CNKSR2: variants seen among roughly 807,000 people sequenced by gnomAD.
CNKSR2 encodes the protein CNK homolog protein 2.
In CNKSR2, 14 loss-of-function variants were observed where a neutral mutation model predicts 84.4. That is an observed-to-expected ratio of 0.17 (90% CI 0.11 to 0.26). The LOEUF is 0.26. Ranked by LOEUF, CNKSR2 falls within the 10% of genes least tolerant of loss-of-function variation. The pLI is 1.00. For synonymous variants in CNKSR2, 275 were observed against 277.9 expected (o/e 0.99, Z 0.10); for missense variants, 485 against 771.2 (o/e 0.63, Z 4.40).
chrX:21,463,826 G>A (rs942257007), intron 4 of CNKSR2, among the ~76,000 whole-genome samples: 33 of 110,921 alleles, frequency 3.0e-4, no homozygotes, highest in African/African-American at 9.5e-4. Flanking sequence ...ATCCCAAGAC[G>A]CAAACAAAGT....
intron 8 of CNKSR2, among the ~76,000 whole-genome samples, chrX:21,508,682 T>A (rs1396340014): frequency 8.9e-6 from 1 of 112,002 alleles, no homozygotes; most frequent in African/African-American, 3.2e-5. Flanking sequence ...AAAAGTGAGC[T>A]GTATGTTCAA....
intron 20 of CNKSR2, among the ~76,000 whole-genome samples, chrX:21,624,064 C>T (rs777711036): frequency 6.8e-4 from 76 of 111,568 alleles, no homozygotes; most frequent in Non-Finnish European, 1.2e-3. Context: ...AAATCCTATG[C>T]ATTACTGATA....
intron 7 of CNKSR2, among the ~76,000 whole-genome samples, chrX:21,499,374 C>T (rs1333586283): frequency 2.7e-5 from 3 of 111,087 alleles, no homozygotes; most frequent in African/African-American, 9.8e-5. Flanking sequence ...GTGTAATTTG[C>T]ATGGATGGAC....
Position 21,526,887 on chromosome X carries a change from C to T in CNKSR2, c.978C>T (p.Pro326=). ...LALQPLIPRS[P]TSSVATPSST... is the part of the protein sequence containing the mutation. Reference sequence around the variant, plus strand: ...ACCAGCCTCTTATACCTAGAAGTCCCACAAGCAGCGTTGCCACGCCTTCCA... The same window carrying T: ...ACCAGCCTCTTATACCTAGAAGTCCTACAAGCAGCGTTGCCACGCCTTCCA... The change falls in exon 10 of 22, where the codon CCC becomes CCT. Residue 326 remains proline (P), a synonymous_variant. Transcript: ENST00000379510. 1 of 1,205,411 alleles carries T rather than the reference C, an allele frequency of 8.3e-7. No individual in the cohort carries two copies. The highest frequency in any genetic ancestry group is 1.1e-6 in the Non-Finnish European group (1 of 891,162).
At chrX:21,642,979 T>C in intron 20 of CNKSR2, 1 of 230,936 alleles carries the variant, frequency 4.3e-6, no homozygotes, top group Non-Finnish European at 6.2e-6. Context: ...TTATTGGTAT[T>C]TAATATTTAT....
At chrX:21,563,082 T>C (rs1427853126) in intron 12 of CNKSR2, among the ~76,000 whole-genome samples, 156 bp from the exon 13 acceptor site, 1 of 111,703 alleles carries the variant, frequency 9.0e-6, no homozygotes, top group African/African-American at 3.2e-5. Context: ...ATGAAATATA[T>C]TAGATTGGGG....
intron 6 of CNKSR2, chrX:21,491,185 G>A (rs2091438544): frequency 9.0e-6 from 1 of 111,091 alleles, no homozygotes; most frequent in Non-Finnish European, 1.9e-5. Context: ...ATTGGTTCTA[G>A]ATTTAACCCA....
intron 4 of CNKSR2, among the ~76,000 whole-genome samples, chrX:21,450,114 T>G (rs2090908481): frequency 9.0e-6 from 1 of 111,305 alleles, no homozygotes; most frequent in Non-Finnish European, 1.9e-5. Flanking sequence ...GATCAGTCGG[T>G]ATTTTAAGTG....
chrX:21,451,649 G>A (rs1464786626), intron 4 of CNKSR2, among the ~76,000 whole-genome samples: 2 of 91,018 alleles, frequency 2.2e-5, no homozygotes, highest in African/African-American at 8.3e-5. Context: ...ATTGAACAGT[G>A]AGAACACGTG....
At chrX:21,408,545 T>G (rs756960188) in intron 1 of CNKSR2, among the ~76,000 whole-genome samples, 1 of 111,580 alleles carries the variant, frequency 9.0e-6, no homozygotes, top group African/African-American at 3.2e-5. Context: ...CTTTACATAA[T>G]ATAAAGTCAT....
At chrX:21,438,857 G>A (rs1478659417) in intron 3 of CNKSR2, among the ~76,000 whole-genome samples, 1 of 111,125 alleles carries the variant, frequency 9.0e-6, no homozygotes, top group African/African-American at 3.3e-5. Context: ...AAACGTAACA[G>A]ATGAGTATAT....
At chrX:21,507,820 A>C (rs2091629070) in intron 8 of CNKSR2, among the ~76,000 whole-genome samples, 2 of 111,705 alleles carry the variant, frequency 1.8e-5, no homozygotes, top group Admixed American at 1.9e-4. Flanking sequence ...ATTTTCCACA[A>C]AATTATTATA....
At chrX:21,646,932 G>C (rs73453527) in intron 20 of CNKSR2, among the ~76,000 whole-genome samples, 7,234 of 111,571 alleles carry the variant, frequency 0.065, 558 homozygotes, top group African/African-American at 0.22. Context: ...ACTCCATTTA[G>C]TTATTCTAAA....
chrX:21,547,822 A>G (rs902679287), intron 11 of CNKSR2, among the ~76,000 whole-genome samples: 4 of 112,418 alleles, frequency 3.6e-5, no homozygotes, highest in Admixed American at 1.9e-4. Flanking sequence ...CTGCTCCTGA[A>G]TGACTACTGG....
intron 20 of CNKSR2, among the ~76,000 whole-genome samples, chrX:21,636,602 C>G (rs1372563786): frequency 2.7e-5 from 3 of 110,923 alleles, no homozygotes; most frequent in Admixed American, 1.9e-4. Flanking sequence ...TATTAATAAC[C>G]TCAAAATAAC....
chrX:21,600,064 T>C (rs1022104413), intron 17 of CNKSR2, among the ~76,000 whole-genome samples: 1 of 111,856 alleles, frequency 8.9e-6, no homozygotes. Context: ...GATAATTACA[T>C]TGTAGGTTTT....
At chrX:21,394,104 A>G (rs2090088282) in intron 1 of CNKSR2, among the ~76,000 whole-genome samples, 1 of 112,051 alleles carries the variant, frequency 8.9e-6, no homozygotes. Flanking sequence ...TTATTTTAAA[A>G]TGGAGATAAT....
chrX:21,499,122 C>CA (rs1488751717), intron 7 of CNKSR2, among the ~76,000 whole-genome samples: 1 of 111,559 alleles, frequency 9.0e-6, no homozygotes. Context: ...CAGTAACATG[C>CA]ATATTATGAA....
Position 21,482,235 on chromosome X carries a change from T to G in CNKSR2, c.562-8224T>G, listed in dbSNP as rs150445342. Among the ~76,000 whole-genome samples, 842 of 112,433 alleles carry G rather than the reference T, an allele frequency of 7.5e-3. 2 individuals are homozygous for G. Among genetic ancestry groups the G allele is most frequent in the African/African-American group, 0.026 (799 of 30,942 alleles). On this transcript the variant is annotated intron_variant, in intron 5 of 21. Transcript: ENST00000379510. ...AGAATTTAAATATAAGGTACTATAT[T>G]GCCTCCTAACTTATTTGATTCATGT... is the stretch of plus-strand genomic sequence containing the variant.
Sources: gnomAD v4.1 joint callset for allele counts (sites outside exome capture counted in the v4.1 genomes callset) on GRCh38, gnomAD v4.1.1 for gene constraint, MANE v1.5 for transcripts, NCBI Gene and HGNC (gene_info 2026-07-23, HGNC 2026-07-21) for gene names.